PCSK5: variants seen among roughly 807,000 people sequenced by gnomAD.
PCSK5 encodes the protein proprotein convertase subtilisin/kexin type 5.
A neutral mutation model predicts 233.2 loss-of-function variants in PCSK5; 129 were observed. That is an observed-to-expected ratio of 0.55 (90% confidence interval 0.48 to 0.64). The LOEUF is 0.64. Among genes scored for constraint, PCSK5 ranks in the 30% least tolerant of loss-of-function variants. The probability of loss-of-function intolerance (pLI) is 0.00; values close to 1 mark genes in which losing one functional copy is unlikely to be tolerated. For synonymous variants in PCSK5, 825 were observed against 879.2 expected (o/e 0.94, Z 1.09); for missense variants, 2,076 against 2,430.1 (o/e 0.85, Z 3.06).
chr9:76,238,347 C>T (rs1045726327), intron 22 of PCSK5, among the ~76,000 whole-genome samples: 8 of 152,070 alleles, frequency 5.3e-5, no homozygotes, highest in African/African-American at 1.9e-4. Flanking sequence ...TTATAGAATC[C>T]AATGTTGACA....
intron 24 of PCSK5, among the ~76,000 whole-genome samples, chr9:76,290,857 T>C (rs1165507172): frequency 1.3e-5 from 2 of 152,236 alleles, no homozygotes; most frequent in African/African-American, 4.8e-5. Flanking sequence ...AGTTGCCAAC[T>C]CCTGCTAGGC....
chr9:76,279,467 A>G (rs988246105), intron 24 of PCSK5, among the ~76,000 whole-genome samples: 5 of 151,832 alleles, frequency 3.3e-5, no homozygotes, highest in African/African-American at 1.2e-4. Flanking sequence ...TTCTAGTTCT[A>G]GATCCCTGAG....
intron 25 of PCSK5, among the ~76,000 whole-genome samples, chr9:76,292,841 C>T (rs1587842293): frequency 6.6e-6 from 1 of 152,172 alleles, no homozygotes; most frequent in African/African-American, 2.4e-5. Context: ...ACACTGTTGA[C>T]CGTCCTAGAA....
chr9:76,308,848 C>T (rs1466307161), intron 29 of PCSK5, 120 bp downstream of exon 29: 8 of 641,794 alleles, frequency 1.2e-5, no homozygotes, highest in Non-Finnish European at 1.1e-5. Context: ...TCACATGTTC[C>T]TATTACAGTG....
chr9:76,209,429 T>C, intron 20 of PCSK5: 2 of 479,858 alleles, frequency 4.2e-6, no homozygotes, highest in Non-Finnish European at 8.3e-6. Context: ...TCCTGTGTTA[T>C]GATGTAAACT....
At chr9:75,990,908 A>G (rs1826740166) in intron 3 of PCSK5, among the ~76,000 whole-genome samples, 1 of 152,178 alleles carries the variant, frequency 6.6e-6, no homozygotes, top group Non-Finnish European at 1.5e-5. Flanking sequence ...AACGTGTAGT[A>G]TGTGGTAAAT....
chr9:76,294,765 G>C (rs926474402), intron 25 of PCSK5, among the ~76,000 whole-genome samples: 4 of 152,124 alleles, frequency 2.6e-5, no homozygotes, highest in African/African-American at 2.4e-5. Flanking sequence ...CCCTGATAAA[G>C]AGTCCTTGGA....
In PCSK5 at chr9:76,292,224, T is replaced by G; in HGVS notation, c.3143-9T>G. ...ATGATTATTACTTTTTATTATTTTT[T>G]TTTTCCAGATGATCCAGGAACATGT... On this transcript the variant is annotated splice_polypyrimidine_tract_variant and intron_variant, in intron 24 of 37. Transcript: ENST00000674117. The G allele has an allele frequency of 6.5e-7, 1 of 1,537,404 alleles. No individual in the cohort carries two copies. Among genetic ancestry groups the G allele is most frequent in the Non-Finnish European group, 9.0e-7 (1 of 1,113,656 alleles).
intron 24 of PCSK5, among the ~76,000 whole-genome samples, chr9:76,285,474 C>T (rs1427217930): frequency 6.6e-6 from 1 of 152,072 alleles, no homozygotes; most frequent in African/African-American, 2.4e-5. Context: ...CATGCCCATT[C>T]GTCTGTCATC....
At chr9:75,998,593 T>C (rs1444729690) in intron 3 of PCSK5, among the ~76,000 whole-genome samples, 2 of 152,244 alleles carry the variant, frequency 1.3e-5, no homozygotes, top group East Asian at 1.9e-4. Context: ...TTGTACTTTA[T>C]CAGAAACGTA....
At chr9:76,193,236 G>A in intron 20 of PCSK5, 1 of 1,612,578 alleles carries the variant, frequency 6.2e-7, no homozygotes, top group Non-Finnish European at 8.5e-7. Flanking sequence ...TTCTGGAAAA[G>A]CAACGGAAGA....
At chr9:76,337,918 T>C (rs888174788) in intron 34 of PCSK5, among the ~76,000 whole-genome samples, 1 of 152,066 alleles carries the variant, frequency 6.6e-6, no homozygotes, top group Non-Finnish European at 1.5e-5. Context: ...GAGAGACACA[T>C]GGTAGAAAAA....
intron 13 of PCSK5, among the ~76,000 whole-genome samples, chr9:76,172,683 T>G (rs1283670864): frequency 6.6e-6 from 1 of 152,244 alleles, no homozygotes; most frequent in Non-Finnish European, 1.5e-5. Context: ...GCTTCATTTG[T>G]ACACTTGAGA....
chr9:75,925,488 T>C (rs1823445358), intron 1 of PCSK5, among the ~76,000 whole-genome samples: 1 of 152,210 alleles, frequency 6.6e-6, no homozygotes, highest in African/African-American at 2.4e-5. Context: ...TCTGCCCTTA[T>C]GGGGCTAACA....
At chr9:76,263,906 C>T (rs546155522) in intron 24 of PCSK5, among the ~76,000 whole-genome samples, 3 of 152,158 alleles carry the variant, frequency 2.0e-5, no homozygotes, top group Non-Finnish European at 4.4e-5. Flanking sequence ...AGATTCAATG[C>T]TATTTCTATT....
intron 28 of PCSK5, among the ~76,000 whole-genome samples, chr9:76,307,838 AAAAAG>A (rs1441930398): frequency 1.3e-5 from 2 of 152,182 alleles, no homozygotes; most frequent in South Asian, 2.1e-4. Flanking sequence ...AACAGAAAAA[AAAAAG>A]AAAAGAAGTT....
In PCSK5 at chr9:75,978,869, C is replaced by CTTTTTTTTTTTTTTTTTTTTTTT. The variant is rs5898441; in HGVS notation, c.298-7253_298-7252insTTTTTTTTTTTTTTTTTTTTTTT. 1.6e-5 allele frequency among the ~76,000 whole-genome samples: 2 copies of CTTTTTTTTTTTTTTTTTTTTTTT among 128,044 alleles called. 1 individual carries two copies. The allele number at this position is 128,044 out of a possible 152,430, so 84.0% of individuals were successfully genotyped here. A position where few individuals can be genotyped will look rare whatever the true frequency, so the allele number is the denominator to read the frequency against. ...TTTTAGGCTTTGTTTGAATGTTTCC[C>CTTTTTTTTTTTTTTTTTTTTTTT]TTTTTTTTTTCTTTTTTTCTGAGAT... On this transcript the variant is annotated intron_variant, in intron 2 of 37. Coordinates refer to ENST00000674117, the MANE Select transcript of PCSK5 (RefSeq NM_001372043.1).
rs374613011 is a variant in PCSK5, at chr9:76,181,405, G to A, written c.2011G>A (p.Val671Ile). ...TATTGTTTCACAATGCAGGATCTGT[G>A]TCTCCAGCTGCCCCCCTGGCCACTA... The part of the protein sequence containing the change: ...YKLKNNTRIC[V>I]SSCPPGHYHA... Residue 671 changes from valine to isoleucine, a missense_variant, in exon 16 of 38, where the codon GTC becomes ATC. Val to Ile is a conservative substitution (Grantham distance 29, BLOSUM62 3). Coordinates refer to ENST00000674117, the MANE Select transcript of PCSK5 (RefSeq NM_001372043.1). 92 of 1,612,474 alleles carry A rather than the reference G, an allele frequency of 5.7e-5. No homozygotes were observed. The African/African-American group carries it at 1.2e-3, about 21-fold the overall frequency.
At chr9:75,905,721 G>A (rs1428482357) in intron 1 of PCSK5, among the ~76,000 whole-genome samples, 1 of 152,208 alleles carries the variant, frequency 6.6e-6, no homozygotes, top group East Asian at 1.9e-4. Flanking sequence ...GGGGCCGGTA[G>A]ACTCTTGTAG....
Sources: gnomAD v4.1 joint callset for allele counts (sites outside exome capture counted in the v4.1 genomes callset) on GRCh38, gnomAD v4.1.1 for gene constraint, MANE v1.5 for transcripts, NCBI Gene and HGNC (gene_info 2026-07-23, HGNC 2026-07-21) for gene names.